TSPO2: variants seen among roughly 807,000 people sequenced by gnomAD.
The protein encoded by TSPO2 is benzodiazapine receptor (peripheral)-like 1.
In TSPO2, 15 loss-of-function variants were observed where a neutral mutation model predicts 13.3. The observed-to-expected ratio is 1.13, with a 90% CI of 0.75 to 1.73. The LOEUF is 1.73. Among genes scored for constraint, TSPO2 ranks in the 40% most tolerant of loss-of-function variants. The probability of loss-of-function intolerance (pLI) is 0.00; values close to 1 mark genes in which losing one functional copy is unlikely to be tolerated. For synonymous variants in TSPO2, 81 were observed against 91.6 expected, an observed-to-expected ratio of 0.88 and a Z score of 0.66; for missense variants, 202 against 198.3, an observed-to-expected ratio of 1.02 and a Z score of -0.11.
chr6:41,042,945 G>C, intron 1 of TSPO2, 21 bp from the exon 2 acceptor site: 1 of 1,611,444 alleles, frequency 6.2e-7, no homozygotes, highest in Non-Finnish European at 8.5e-7. Context: ...CTCATCACTA[G>C]CATGTTCTCT....
In TSPO2 at chr6:41,043,178, A is replaced by G. The variant is rs1437088653; in HGVS notation, c.173+20A>G. ...CGTGGGGTGAGTACTTGTTTCTCAC[A>G]CATGGCCCTGGTACCCAATGGGGTG... On this transcript the variant is annotated intron_variant, in intron 2 of 3. Transcript: ENST00000373161. 2 of 1,597,256 alleles carry G rather than the reference A, an allele frequency of 1.3e-6. No homozygotes were observed. Among genetic ancestry groups the G allele is most frequent in the Non-Finnish European group, 1.7e-6 (2 of 1,170,810 alleles).
intron 2 of TSPO2, 107 bp downstream of exon 2, chr6:41,043,265 T>G (rs533589597): frequency 7.4e-7 from 1 of 1,355,822 alleles, no homozygotes; most frequent in African/African-American, 1.5e-5. Flanking sequence ...AGGCGCTTTG[T>G]CTTGCCTCTC....
At position 41,044,053 on chromosome 6, in the gene TSPO2, C is replaced by T. The variant is rs768820176; in HGVS notation, c.429C>T (p.Thr143=). The T allele has an allele frequency of 8.1e-6, 13 of 1,614,058 alleles. No homozygotes were observed. The highest frequency in any genetic ancestry group is 4.0e-5 in the African/African-American group (3 of 74,914). The stretch of plus-strand genomic sequence containing the variant: ...TGCTGCCCTACCTAGCCTGGCTCAC[C>T]GTGACTTCAGCCCTCACCTACCACC... ...LLLLPYLAWL[T]VTSALTYHLW... is the part of the protein sequence containing the mutation. The change falls in exon 4 of 4, where the codon ACC becomes ACT. Residue 143 remains threonine (T), a synonymous_variant. Transcript: ENST00000373161.
chr6:41,044,247 G>A lies in TSPO2; in HGVS notation c.*110G>A. The A allele has an allele frequency of 8.9e-7, 1 of 1,119,574 alleles. No homozygotes were observed. Among genetic ancestry groups the A allele is most frequent in the Non-Finnish European group, 1.3e-6 (1 of 771,128 alleles). 69.4% of individuals were successfully genotyped at this position (1,119,574 alleles called of 1,614,324 possible). A position where few individuals can be genotyped will look rare whatever the true frequency, so the allele number is the denominator to read the frequency against. On this transcript the variant is annotated 3_prime_UTR_variant, in exon 4 of 4. Transcript: ENST00000373161. ...ATGGGACCACCCTCCTGGGTCCCCTGGTGCCGTTTTTCCTTAGAAATCAGA... is the reference window on the plus strand; with the variant it reads ...ATGGGACCACCCTCCTGGGTCCCCTAGTGCCGTTTTTCCTTAGAAATCAGA...
chr6:41,043,666 G>T lies in TSPO2; in HGVS notation c.283G>T (p.Val95Phe). 6.2e-7 allele frequency: 1 copy of T among 1,611,870 alleles called. No homozygotes were observed. Among genetic ancestry groups the T allele is most frequent in the Non-Finnish European group, 8.5e-7 (1 of 1,178,708 alleles). ...VQLTISWTVL[V>F]LFFTVHNPGL... ...GCTCACCATCAGCTGGACTGTCCTG[G>T]TTCTCTTTTTCACAGTCCACAACCC... The change falls in exon 3 of 4, where the codon GTT becomes TTT. Residue 95 changes from valine (V) to phenylalanine (F), a missense_variant. Physicochemically the swap from Val to Phe is conservative, Grantham distance 50. Transcript: ENST00000373161.
rs749908306 is a variant in TSPO2, at chr6:41,043,951, C to T, written c.327C>T (p.His109=). ...GCCTCTATGCCCAGGCCCTGCTGCA[C>T]CTGCTGCTGCTGTATGGGCTGGTGG... The part of the protein sequence containing the change: ...TVHNPGLALL[H]LLLLYGLVVS... The change falls in exon 4 of 4, where the codon CAC becomes CAT. Residue 109 remains histidine (H), a synonymous_variant. Transcript: ENST00000373161. 6.2e-7 allele frequency: 1 copy of T among 1,613,670 alleles called. No individual in the cohort carries two copies. Among genetic ancestry groups the T allele is most frequent in the Non-Finnish European group, 8.5e-7 (1 of 1,179,852 alleles).
intron 3 of TSPO2, 21 bp downstream of exon 3, chr6:41,043,719 T>G (rs757158985): frequency 1.3e-6 from 2 of 1,578,914 alleles, no homozygotes; most frequent in Non-Finnish European, 1.7e-6. Context: ...CAGTGCTCAG[T>G]AGCAGAAGTA....
At chr6:41,043,769 TA>T in intron 3 of TSPO2, 71 bp downstream of exon 3, 2 of 1,560,670 alleles carry the variant, frequency 1.3e-6, no homozygotes, top group Non-Finnish European at 1.7e-6. Flanking sequence ...CAGAAGCACA[TA>T]ATTCAGCAGA....
chr6:41,043,941 C>T lies in TSPO2; in HGVS notation c.317C>T (p.Ala106Val), dbSNP rs142883924. ...LFFTVHNPGL[A>V]LLHLLLLYGL... Reference sequence around the variant, plus strand: ...CTGACCCCCGGCCTCTATGCCCAGGCCCTGCTGCACCTGCTGCTGCTGTAT... The same window carrying T: ...CTGACCCCCGGCCTCTATGCCCAGGTCCTGCTGCACCTGCTGCTGCTGTAT... Residue 106 changes from alanine to valine, a missense_variant and splice_region_variant, in exon 4 of 4, where the codon GCC becomes GTC. Physicochemically the swap from Ala to Val is moderately conservative, Grantham distance 64 (BLOSUM62 0). Coordinates refer to ENST00000373161, the MANE Select transcript of TSPO2 (RefSeq NM_001010873.3). The T allele has an allele frequency of 1.1e-5, 17 of 1,612,978 alleles. No homozygotes were observed. The highest frequency in any genetic ancestry group is 1.4e-5 in the Non-Finnish European group (17 of 1,179,648).
At chr6:41,043,475 A>T in intron 2 of TSPO2, 82 bp from the exon 3 acceptor site, 1 of 1,503,196 alleles carries the variant, frequency 6.7e-7, no homozygotes, top group African/African-American at 1.4e-5. Flanking sequence ...AAGGGTATCC[A>T]AGAGTCCTTA....
In TSPO2 at chr6:41,043,130, G is replaced by A. The variant is rs1762615474; in HGVS notation, c.145G>A (p.Val49Ile). ...CCCATTCTACAAAGTCTTATTGCTT[G>A]TACAGACAGCCATCTACTCTGTCGT... ...WCPFYKVLLL[V>I]QTAIYSVVGY... Residue 49 changes from valine to isoleucine, a missense_variant, in exon 2 of 4, where the codon GTA becomes ATA. Transcript: ENST00000373161. 1.2e-6 allele frequency: 2 copies of A among 1,613,654 alleles called. No individual in the cohort carries two copies. Among genetic ancestry groups the A allele is most frequent in the South Asian group, 1.1e-5 (1 of 91,028 alleles).
At position 41,044,114 on chromosome 6, in the gene TSPO2, C is replaced by T; in HGVS notation, c.490C>T (p.Gln164Ter). Residue 164 changes from glutamine (Q) to a stop codon, truncating the protein, a stop_gained, in exon 4 of 4, where the codon CAG (glutamine) becomes TAG (stop). Transcript: ENST00000373161. LOFTEE classifies it high-confidence loss of function. ...CAGCCTTTGTCCAGTGCACCAGCCT[C>T]AGCCCACGGAGAAGAGTGACTGAGG... ...RDSLCPVHQP[Q>*]PTEKSD 3 of 1,614,172 alleles carry T rather than the reference C, an allele frequency of 1.9e-6. No individual in the cohort carries two copies. Among genetic ancestry groups the T allele is most frequent in the Non-Finnish European group, 2.5e-6 (3 of 1,180,030 alleles).
intron 2 of TSPO2, 119 bp from the exon 3 acceptor site, chr6:41,043,438 A>C: frequency 7.4e-7 from 1 of 1,345,738 alleles, no homozygotes; most frequent in South Asian, 1.4e-5. Flanking sequence ...ATGATGCCTA[A>C]ACCCATCTGC....
chr6:41,042,860 C>A (rs575179752), intron 1 of TSPO2, 82 bp downstream of exon 1: 29 of 1,157,168 alleles, frequency 2.5e-5, no homozygotes, highest in African/African-American at 1.7e-4. Flanking sequence ...CGTGAGTAGA[C>A]CTTCTCTGAG....
At chr6:41,043,344 C>T (rs1185137260) in intron 2 of TSPO2, among the ~76,000 whole-genome samples, 186 bp downstream of exon 2, 1 of 152,138 alleles carries the variant, frequency 6.6e-6, no homozygotes, top group African/African-American at 2.4e-5. Flanking sequence ...GTTAGCCCTT[C>T]TTCCACCCTC....
rs377509275 is a variant in TSPO2 at position 41,044,142 on chromosome 6, C to G, written c.*5C>G. On this transcript the variant is annotated 3_prime_UTR_variant, in exon 4 of 4. Transcript: ENST00000373161. ...CCCACGGAGAAGAGTGACTGAGGCC[C>G]TAGGGCATGGGAGAGGAGGGACGCC... 72 of 1,614,064 alleles carry G rather than the reference C, an allele frequency of 4.5e-5. No homozygotes were observed. The African/African-American group carries it at 6.9e-4, about 16-fold the overall frequency.
chr6:41,043,410 T>C (rs1286235290), intron 2 of TSPO2, 147 bp from the exon 3 acceptor site: 1 of 1,111,986 alleles, frequency 9.0e-7, no homozygotes, highest in Non-Finnish European at 1.3e-6. Flanking sequence ...TCCCACCAAC[T>C]CCCTCCCTGG....
At chr6:41,041,844 G>A (rs1237256262), upstream of TSPO2, among the ~76,000 whole-genome samples, 9 of 152,058 alleles carry the variant, frequency 5.9e-5, no homozygotes, top group East Asian at 3.9e-4. Context: ...GCATGGTGGC[G>A]CACGCCTGTA....
In TSPO2 at chr6:41,043,973, G is replaced by A. The variant is rs1370479541; in HGVS notation, c.349G>A (p.Val117Met). 1.2e-6 allele frequency: 2 copies of A among 1,614,064 alleles called. No individual in the cohort carries two copies. Among genetic ancestry groups the A allele is most frequent in the South Asian group, 1.1e-5 (1 of 91,036 alleles). The part of the protein sequence containing the change: ...LLHLLLLYGL[V>M]VSTALIWHPI... ...GCACCTGCTGCTGCTGTATGGGCTG[G>A]TGGTGAGCACAGCACTGATCTGGCA... The change falls in exon 4 of 4, where the codon GTG becomes ATG. Residue 117 changes from valine to methionine, a missense_variant. Val to Met is a conservative substitution (Grantham distance 21). Coordinates refer to ENST00000373161, the MANE Select transcript of TSPO2 (RefSeq NM_001010873.3).
Sources: allele counts gnomAD v4.1 joint callset (sites outside exome capture counted in the v4.1 genomes callset), GRCh38; gene constraint gnomAD v4.1.1; transcripts MANE v1.5; gene names NCBI Gene and HGNC (gene_info 2026-07-23, HGNC 2026-07-21).